NEK11: variants seen among roughly 807,000 people sequenced by gnomAD.
The protein encoded by NEK11 is serine/threonine-protein kinase Nek11.
A neutral mutation model predicts 80.7 loss-of-function variants in NEK11; 72 were observed. That is an observed-to-expected ratio of 0.89 (90% confidence interval 0.74 to 1.08). The LOEUF is 1.08. Among genes scored for constraint, NEK11 ranks in the 50% least tolerant of loss-of-function variants. NEK11 has a pLI of 0.00. For missense variants in NEK11, 764 were observed against 763.6 expected (o/e 1.00, Z -0.01); for synonymous variants, 251 against 260.7 (o/e 0.96, Z 0.36).
chr3:131,251,882 C>T (rs569977026), intron 16 of NEK11, among the ~76,000 whole-genome samples: 1 of 152,214 alleles, frequency 6.6e-6, no homozygotes, highest in Non-Finnish European at 1.5e-5. Context: ...GATGGGAGCA[C>T]ATGCTTTTGA....
intron 4 of NEK11, among the ~76,000 whole-genome samples, chr3:131,098,730 C>G (rs2077882530): frequency 6.6e-6 from 1 of 151,978 alleles, no homozygotes; most frequent in South Asian, 2.1e-4. Flanking sequence ...TGCGCACCAC[C>G]ACACCCAGCT....
chr3:131,215,603 A>T (rs1277223740), intron 14 of NEK11, among the ~76,000 whole-genome samples: 1 of 152,120 alleles, frequency 6.6e-6, no homozygotes, highest in Non-Finnish European at 1.5e-5. Context: ...CTTACAGATG[A>T]GAAGATTTGA....
At chr3:131,318,719 TA>T (rs2096868198) in intron 17 of NEK11, among the ~76,000 whole-genome samples, 1 of 146,722 alleles carries the variant, frequency 6.8e-6, no homozygotes, top group African/African-American at 2.5e-5. Context: ...TGTCATTGTT[TA>T]GTATGCGTGT....
chr3:131,331,268 G>C (rs2097076241), intron 17 of NEK11, among the ~76,000 whole-genome samples: 1 of 152,212 alleles, frequency 6.6e-6, no homozygotes, highest in Non-Finnish European at 1.5e-5. Context: ...CTAGCATTCA[G>C]CAAAGAGGCA....
At chr3:131,211,604 C>T (rs1289743302) in intron 14 of NEK11, among the ~76,000 whole-genome samples, 1 of 152,178 alleles carries the variant, frequency 6.6e-6, no homozygotes, top group Non-Finnish European at 1.5e-5. Flanking sequence ...TTCAGTTACA[C>T]CAATCAAACA....
At chr3:131,335,922 G>A (rs1041365786) in intron 17 of NEK11, among the ~76,000 whole-genome samples, 1 of 152,002 alleles carries the variant, frequency 6.6e-6, no homozygotes, top group Admixed American at 6.6e-5. Context: ...GGATGTGAAG[G>A]ACCTCTTCAA....
chr3:131,225,976 G>A (rs1268449892), intron 14 of NEK11, among the ~76,000 whole-genome samples: 1 of 152,148 alleles, frequency 6.6e-6, no homozygotes, highest in African/African-American at 2.4e-5. Context: ...CAAGGGAGTG[G>A]ACAAGGAGGA....
intron 17 of NEK11, among the ~76,000 whole-genome samples, chr3:131,305,837 C>T (rs1243262936): frequency 6.6e-6 from 1 of 152,130 alleles, no homozygotes; most frequent in African/African-American, 2.4e-5. Flanking sequence ...CCAGCTTCTT[C>T]CCCTTACAGC....
rs1427584001 is a variant in NEK11, at chr3:131,133,245, G to A, written c.520+436G>A. The A allele has an allele frequency of 3.3e-5, 15 of 454,944 alleles. No individual in the cohort carries two copies. The Admixed American group carries it at 3.6e-4, about 11-fold the overall frequency. 28.2% of individuals were successfully genotyped at this position (454,944 alleles called of 1,614,324 possible). ...GATATAATGGCTTTATTAACCTTTA[G>A]TTCTTCAGAACTGTACCTCTCCTCA... On this transcript the variant is annotated intron_variant, in intron 6 of 17. Transcript: ENST00000383366.
intron 3 of NEK11, among the ~76,000 whole-genome samples, chr3:131,040,309 A>C (rs996060100): frequency 6.6e-6 from 1 of 151,926 alleles, no homozygotes; most frequent in Admixed American, 6.6e-5. Context: ...GAAAAAAAAA[A>C]CACCCAAAGT....
At chr3:131,272,642 A>G (rs1314699681) in intron 16 of NEK11, among the ~76,000 whole-genome samples, 1 of 151,370 alleles carries the variant, frequency 6.6e-6, no homozygotes, top group African/African-American at 2.4e-5. Context: ...CACCCAGCTA[A>G]TTTTTATATT....
At chr3:131,087,235 C>CTTTTTTTTTTTTTTT (rs59630167) in intron 4 of NEK11, among the ~76,000 whole-genome samples, 1 of 81,204 alleles carries the variant, frequency 1.2e-5, no homozygotes, top group Non-Finnish European at 2.3e-5. Flanking sequence ...TATGCAAATT[C>CTTTTTTTTTTTTTTT]TTTTTTTTTT....
chr3:131,082,239 C>G (rs1421533568), intron 4 of NEK11, among the ~76,000 whole-genome samples: 1 of 152,180 alleles, frequency 6.6e-6, no homozygotes, highest in East Asian at 1.9e-4. Flanking sequence ...ACTACAGATA[C>G]TTGCATATGC....
intron 14 of NEK11, among the ~76,000 whole-genome samples, chr3:131,196,846 CTTTT>C (rs112705042): frequency 2.9e-5 from 4 of 138,132 alleles, no homozygotes; most frequent in Non-Finnish European, 3.2e-5. Flanking sequence ...CTTTTCTTTT[CTTTT>C]TTTTTTTTTT....
At chr3:131,063,057 C>T (rs553985746) in intron 3 of NEK11, among the ~76,000 whole-genome samples, 83 of 152,304 alleles carry the variant, frequency 5.4e-4, no homozygotes, top group African/African-American at 1.4e-3. Flanking sequence ...CAGACTTTTG[C>T]GCTGATGCCC....
chr3:131,267,761 C>T (rs2096090123), intron 16 of NEK11, among the ~76,000 whole-genome samples: 1 of 152,126 alleles, frequency 6.6e-6, no homozygotes, highest in African/African-American at 2.4e-5. Flanking sequence ...CGGGGTTGCT[C>T]TTCTCGAGGA....
chr3:131,057,916 G>C lies in NEK11; in HGVS notation c.171-22507G>C, dbSNP rs181531583. The stretch of plus-strand genomic sequence containing the variant: ...AATGAGATCCCATTTGTCAATTTTG[G>C]CTTTTGTTGCCATTGGTTTTGGTGT... On this transcript the variant is annotated intron_variant, in intron 3 of 17. Coordinates refer to ENST00000383366, the MANE Select transcript of NEK11 (RefSeq NM_024800.5). Among the ~76,000 whole-genome samples, 1,083 of 152,190 alleles carry C rather than the reference G, an allele frequency of 7.1e-3. 13 individuals are homozygous for C. Among genetic ancestry groups the C allele is most frequent in the Non-Finnish European group, 0.011 (770 of 68,010 alleles).
chr3:131,226,050 A>C (rs2095183779), intron 14 of NEK11, among the ~76,000 whole-genome samples: 1 of 152,160 alleles, frequency 6.6e-6, no homozygotes, highest in Admixed American at 6.6e-5. Context: ...AGAATGAATA[A>C]CTGTCAAAGG....
intron 14 of NEK11, among the ~76,000 whole-genome samples, chr3:131,206,177 C>G (rs1162450315): frequency 6.6e-6 from 1 of 152,076 alleles, no homozygotes; most frequent in African/African-American, 2.4e-5. Context: ...GTGTCTTCAC[C>G]CAAATAGTCA....
Sources: gnomAD v4.1 joint callset for allele counts (sites outside exome capture counted in the v4.1 genomes callset) on GRCh38, gnomAD v4.1.1 for gene constraint, MANE v1.5 for transcripts, NCBI Gene and HGNC (gene_info 2026-07-23, HGNC 2026-07-21) for gene names.